Variants in XRCC4 observed in about 807,000 individuals in gnomAD.
XRCC4 encodes DNA repair protein XRCC4.
A neutral mutation model predicts 39.1 loss-of-function variants in XRCC4; 28 were observed. The observed-to-expected ratio is 0.72, with a 90% confidence interval of 0.53 to 0.98. The LOEUF (loss-of-function observed/expected upper bound fraction) is 0.98. Among genes scored for constraint, XRCC4 ranks in the 50% least tolerant of loss-of-function variants. XRCC4 has a pLI of 0.00. For missense variants in XRCC4, 350 were observed against 376.4 expected (o/e 0.93, Z 0.58); for synonymous variants, 123 against 126.4 (o/e 0.97, Z 0.18).
chr5:83,295,621 C>A (rs1173810088), intron 7 of XRCC4, among the ~76,000 whole-genome samples: 1 of 151,884 alleles, frequency 6.6e-6, no homozygotes, highest in African/African-American at 2.4e-5. Flanking sequence ...GTGAGGTATT[C>A]CATGAAGAAA....
At chr5:83,362,459 A>G in the XRCC4 span, among the ~76,000 whole-genome samples, 1 of 152,170 alleles carries the variant, frequency 6.6e-6, no homozygotes, top group East Asian at 1.9e-4. Flanking sequence ...CAGTGTGGTT[A>G]CGTCTGACTT....
chr5:83,109,986 C>T (rs559699570), intron 2 of XRCC4, among the ~76,000 whole-genome samples: 1 of 152,086 alleles, frequency 6.6e-6, no homozygotes, highest in Non-Finnish European at 1.5e-5. Context: ...GAACCCTAAA[C>T]CTGTGTTATG....
intron 7 of XRCC4, among the ~76,000 whole-genome samples, chr5:83,287,390 T>C (rs1340438844): frequency 6.6e-6 from 1 of 152,076 alleles, no homozygotes; most frequent in East Asian, 1.9e-4. Flanking sequence ...TTTCTATGCC[T>C]TATTTCACAA....
rs569416958 is a variant in XRCC4, at chr5:83,134,901, G to A, written c.315+23698G>A. On this transcript the variant is annotated intron_variant, in intron 3 of 7. Transcript: ENST00000396027. ...ACCTTGAAGAGCTGTGACACTGACC[G>A]CGAAGGTCTGCAGCTTCACTCCTGA... 7.2e-5 allele frequency among the ~76,000 whole-genome samples: 11 copies of A among 152,232 alleles called. No homozygotes were observed. The South Asian group carries it at 1.9e-3, about 26-fold the overall frequency.
At chr5:83,307,084 C>T (rs1337165465) in intron 7 of XRCC4, among the ~76,000 whole-genome samples, 1 of 152,114 alleles carries the variant, frequency 6.6e-6, no homozygotes, top group Non-Finnish European at 1.5e-5. Flanking sequence ...CTCACCCTGG[C>T]CAAATATTGA....
At chr5:83,188,211 G>A (rs1750538627) in intron 3 of XRCC4, among the ~76,000 whole-genome samples, 3 of 152,190 alleles carry the variant, frequency 2.0e-5, no homozygotes, top group Non-Finnish European at 2.9e-5. Flanking sequence ...GTGTTGTCCA[G>A]GGGCTGTGGT....
intron 7 of XRCC4, among the ~76,000 whole-genome samples, chr5:83,299,132 C>T (rs1755189613): frequency 6.6e-6 from 1 of 151,964 alleles, no homozygotes; most frequent in African/African-American, 2.4e-5. Flanking sequence ...AGCAAACTTC[C>T]CAATCTTAGT....
intron 3 of XRCC4, among the ~76,000 whole-genome samples, chr5:83,181,952 T>C (rs369196702): frequency 7.9e-5 from 12 of 152,246 alleles, no homozygotes; most frequent in African/African-American, 2.9e-4. Flanking sequence ...ATGGCAATTC[T>C]GGGAGAGCCA....
chr5:83,226,600 C>G (rs959894601), intron 6 of XRCC4, among the ~76,000 whole-genome samples: 1 of 152,098 alleles, frequency 6.6e-6, no homozygotes, highest in Non-Finnish European at 1.5e-5. Flanking sequence ...TATGTGGGAT[C>G]CAGACCCTCC....
chr5:83,143,130 G>A (rs1328140256), intron 3 of XRCC4, among the ~76,000 whole-genome samples: 1 of 152,124 alleles, frequency 6.6e-6, no homozygotes, highest in East Asian at 1.9e-4. Context: ...TGGAATAAGT[G>A]TGATTATTTG....
chr5:83,358,568 G>C (rs1480446319), downstream of XRCC4, among the ~76,000 whole-genome samples: 1 of 152,092 alleles, frequency 6.6e-6, no homozygotes, highest in Non-Finnish European at 1.5e-5. Context: ...GAAGTAAAGA[G>C]AGATTAGAGC....
intron 3 of XRCC4, among the ~76,000 whole-genome samples, chr5:83,174,996 A>C (rs989291096): frequency 6.6e-6 from 1 of 152,210 alleles, no homozygotes; most frequent in Non-Finnish European, 1.5e-5. Context: ...TATAATGTAG[A>C]CTGCCTTGTT....
At position 83,155,826 on chromosome 5, in the gene XRCC4, T is replaced by A. The variant is rs193057248; in HGVS notation, c.316-39944T>A. On this transcript the variant is annotated intron_variant, in intron 3 of 7. Transcript: ENST00000396027. ...AGAATGATTTCTTTCAAAAATAATTTAAAAAATAGTTATTTCTAGGATATT... is the reference window on the plus strand; with the variant it reads ...AGAATGATTTCTTTCAAAAATAATTAAAAAAATAGTTATTTCTAGGATATT... Among the ~76,000 whole-genome samples the A allele has an allele frequency of 2.2e-4, 33 of 152,242 alleles. No homozygotes were observed. In the East Asian group the frequency reaches 6.4e-3, roughly 29 times the overall value.
At chr5:83,144,904 A>G (rs907141628) in intron 3 of XRCC4, among the ~76,000 whole-genome samples, 2 of 151,772 alleles carry the variant, frequency 1.3e-5, no homozygotes, top group African/African-American at 4.8e-5. Context: ...ATAAATTATT[A>G]TTATTATTTG....
chr5:83,285,599 T>C (rs942329360), intron 7 of XRCC4, among the ~76,000 whole-genome samples: 1 of 152,062 alleles, frequency 6.6e-6, no homozygotes, highest in Admixed American at 6.6e-5. Context: ...ATCAAAAGAG[T>C]GTCTTTTCAG....
At chr5:83,228,138 G>GT (rs1388043208) in intron 6 of XRCC4, among the ~76,000 whole-genome samples, 2 of 151,896 alleles carry the variant, frequency 1.3e-5, no homozygotes, top group African/African-American at 4.8e-5. Context: ...AAGAAACTAG[G>GT]TATCTATATT....
chr5:83,217,479 G>T (rs1176965979), intron 6 of XRCC4, among the ~76,000 whole-genome samples: 3 of 151,786 alleles, frequency 2.0e-5, no homozygotes, highest in African/African-American at 7.3e-5. Flanking sequence ...AAATTAATCC[G>T]GAGGGTAATG....
intron 7 of XRCC4, among the ~76,000 whole-genome samples, chr5:83,299,537 A>G (rs1310847640): frequency 2.0e-5 from 3 of 151,870 alleles, no homozygotes; most frequent in Non-Finnish European, 4.4e-5. Context: ...GACTTATGTT[A>G]TATCTTCTCA....
chr5:83,361,445 C>T, the XRCC4 span, among the ~76,000 whole-genome samples: 2 of 152,130 alleles, frequency 1.3e-5, no homozygotes, highest in Non-Finnish European at 2.9e-5. Context: ...TTACTTTCTT[C>T]TTTGTCAGCT....
Sources: gnomAD v4.1 joint callset for allele counts (sites outside exome capture counted in the v4.1 genomes callset) on GRCh38, gnomAD v4.1.1 for gene constraint, MANE v1.5 for transcripts, NCBI Gene and HGNC (gene_info 2026-07-23, HGNC 2026-07-21) for gene names.